The following ERO1B variants were observed in gnomAD, a reference collection of about 807,000 sequenced individuals.
ERO1B encodes the protein ERO1-like protein beta.
A neutral mutation model predicts 75.3 loss-of-function variants in ERO1B; 49 were observed. The ratio of observed to expected loss-of-function variants is 0.65; its 90% CI spans 0.52 to 0.83. ERO1B has a LOEUF of 0.83. Among genes scored for constraint, ERO1B ranks in the 40% least tolerant of loss-of-function variants. The pLI is 0.00. For synonymous variants in ERO1B, 191 were observed against 192.9 expected, an observed-to-expected ratio of 0.99 and a Z score of 0.08; for missense variants, 512 against 560.1, an observed-to-expected ratio of 0.91 and a Z score of 0.87.
At chr1:236,228,423 G>A (rs1664326670) in intron 10 of ERO1B, among the ~76,000 whole-genome samples, 1 of 152,172 alleles carries the variant, frequency 6.6e-6, no homozygotes, top group African/African-American at 2.4e-5. Context: ...CACACAGTCT[G>A]TGCCAGGCTG....
At chr1:236,268,546 A>T (rs1665509089) in intron 2 of ERO1B, among the ~76,000 whole-genome samples, 1 of 152,196 alleles carries the variant, frequency 6.6e-6, no homozygotes, top group African/African-American at 2.4e-5. Flanking sequence ...GAAGCCAGGA[A>T]TTTGAGATCG....
chr1:236,237,691 A>G (rs1664577982), intron 6 of ERO1B, among the ~76,000 whole-genome samples: 1 of 152,182 alleles, frequency 6.6e-6, no homozygotes, highest in Admixed American at 6.5e-5. Flanking sequence ...CAGGAGTCAA[A>G]TGTGGTCATT....
intron 2 of ERO1B, among the ~76,000 whole-genome samples, chr1:236,254,914 GTCTTTA>G (rs1004277884): frequency 2.7e-5 from 4 of 148,786 alleles, no homozygotes; most frequent in Non-Finnish European, 5.9e-5. Flanking sequence ...TGCCTGGCCG[GTCTTTA>G]TCTTTTTTTT....
chr1:236,260,395 C>T (rs1184928612), intron 2 of ERO1B, among the ~76,000 whole-genome samples: 2 of 152,210 alleles, frequency 1.3e-5, no homozygotes, highest in Non-Finnish European at 2.9e-5. Context: ...CGCAGTGGCT[C>T]ATGCCTGTAA....
At chr1:236,262,971 C>T (rs1319617630) in intron 2 of ERO1B, among the ~76,000 whole-genome samples, 3 of 152,078 alleles carry the variant, frequency 2.0e-5, no homozygotes, top group Non-Finnish European at 4.4e-5. Flanking sequence ...AAGGCCTATA[C>T]CTCTCGTGCC....
Position 236,281,762 on chromosome 1 carries a change from C to T in ERO1B, c.22G>A (p.Ala8Thr). Residue 8 changes from alanine to threonine, a missense_variant, in exon 1 of 16, where the codon GCA (alanine) becomes ACA (threonine). Ala to Thr is a moderately conservative substitution (Grantham distance 58). Transcript: ENST00000354619. ...GCCGCTACCCCCTGCCCAGCGCCTG[C>T]CCGGCGGACCCCTTGGCTCATGCTG... Reference protein sequence around the residue: MSQGVRRAGAGQGVAAAV... With the variant: MSQGVRRTGAGQGVAAAV... The T allele has an allele frequency of 1.3e-6, 2 of 1,515,620 alleles. No homozygotes were observed. The highest frequency in any genetic ancestry group is 1.8e-6 in the Non-Finnish European group (2 of 1,135,012). 93.9% of individuals were successfully genotyped at this position (1,515,620 alleles called of 1,614,324 possible).
chr1:236,249,977 A>C lies in ERO1B; in HGVS notation c.349-10T>G, dbSNP rs1222612893. On this transcript the variant is annotated splice_polypyrimidine_tract_variant and intron_variant, in intron 4 of 15. Transcript: ENST00000354619. ...TTGCCATTTTCAAGTACTGCAAAGA[A>C]GTTCGTAAGTTTAGTAAAAATTATT... The C allele has an allele frequency of 6.4e-7, 1 of 1,567,184 alleles. No individual in the cohort carries two copies. The highest frequency in any genetic ancestry group is 1.2e-5 in the South Asian group (1 of 81,662).
At chr1:236,274,958 G>T (rs1665677346) in intron 1 of ERO1B, among the ~76,000 whole-genome samples, 1 of 152,174 alleles carries the variant, frequency 6.6e-6, no homozygotes, top group Admixed American at 6.5e-5. Context: ...TTGGCAAGGA[G>T]CAAGACATGC....
At chr1:236,235,442 A>G (rs945032343) in intron 8 of ERO1B, among the ~76,000 whole-genome samples, 2 of 152,200 alleles carry the variant, frequency 1.3e-5, no homozygotes, top group African/African-American at 4.8e-5. Flanking sequence ...TTCTCATTCC[A>G]AGGATTCTGA....
chr1:236,218,494 G>T lies in ERO1B; in HGVS notation c.*22C>A. ...TTTCCACAGTCACTTTATGTCTCTA[G>T]TTAGACACATAAAAGCCTTTATTAC... On this transcript the variant is annotated 3_prime_UTR_variant, in exon 16 of 16. Transcript: ENST00000354619. The T allele has an allele frequency of 1.4e-6, 2 of 1,430,288 alleles. No individual in the cohort carries two copies. Among genetic ancestry groups the T allele is most frequent in the South Asian group, 1.6e-5 (1 of 62,830 alleles). The allele number at this position is 1,430,288 out of a possible 1,614,324, so 88.6% of individuals were successfully genotyped here.
intron 5 of ERO1B, among the ~76,000 whole-genome samples, chr1:236,244,575 C>A (rs1664793140): frequency 6.6e-6 from 1 of 152,118 alleles, no homozygotes; most frequent in East Asian, 1.9e-4. Context: ...TAGTGAAGAA[C>A]AAATCAATAG....
chr1:236,230,358 T>A (rs1664374892), intron 9 of ERO1B, 108 bp from the exon 10 acceptor site: 2 of 872,440 alleles, frequency 2.3e-6, no homozygotes, highest in Middle Eastern at 2.5e-4. Context: ...ATGCCTATAA[T>A]CCTAGCACTT....
intron 1 of ERO1B, among the ~76,000 whole-genome samples, chr1:236,272,179 T>C (rs1665604670): frequency 6.6e-6 from 1 of 152,192 alleles, no homozygotes; most frequent in Non-Finnish European, 1.5e-5. Flanking sequence ...AGAACCATCA[T>C]TTGACCCTGC....
chr1:236,221,065 T>TAGTTGC, intron 14 of ERO1B, 100 bp from the exon 15 acceptor site: 1 of 923,818 alleles, frequency 1.1e-6, no homozygotes, highest in Non-Finnish European at 1.5e-6. Context: ...AGTTAGGAAA[T>TAGTTGC]TCATATGAAC....
intron 13 of ERO1B, among the ~76,000 whole-genome samples, chr1:236,223,230 G>C (rs1364793675): frequency 6.8e-6 from 1 of 146,032 alleles, no homozygotes. Context: ...AAAAAGAGAA[G>C]TTTCCTACAC....
intron 15 of ERO1B, among the ~76,000 whole-genome samples, chr1:236,219,900 C>T (rs941241): frequency 0.47 from 71,195 of 151,546 alleles, 17,433 homozygotes; most frequent in East Asian, 0.88. Context: ...AGCATGTGTC[C>T]GTAGTCCCAG....
intron 2 of ERO1B, among the ~76,000 whole-genome samples, chr1:236,265,613 G>A (rs556439186): frequency 6.6e-6 from 1 of 152,188 alleles, no homozygotes; most frequent in East Asian, 1.9e-4. Flanking sequence ...TCTATTTCTT[G>A]TCTTCTACCC....
intron 6 of ERO1B, among the ~76,000 whole-genome samples, chr1:236,240,265 A>G (rs1389182552): frequency 6.6e-6 from 1 of 152,118 alleles, no homozygotes. Flanking sequence ...TAATAGAGTT[A>G]TGAGGTCATA....
chr1:236,217,865 A>G lies in ERO1B; in HGVS notation c.*651T>C, dbSNP rs560485218. The G allele has an allele frequency of 6.6e-6, 1 of 152,308 alleles. No homozygotes were observed. The highest frequency in any genetic ancestry group is 2.4e-5 in the African/African-American group (1 of 41,584). The allele number at this position is 152,308 out of a possible 1,614,324, so 9.4% of individuals were successfully genotyped here. A position where few individuals can be genotyped will look rare whatever the true frequency, so the allele number is the denominator to read the frequency against. ...TCACCTTTACCAAAGGAGGTCCTTT[A>G]GACTGGAAACAGCAACAATTACAGC... On this transcript the variant is annotated 3_prime_UTR_variant, in exon 16 of 16. Coordinates refer to ENST00000354619, the MANE Select transcript of ERO1B (RefSeq NM_019891.4).
Sources: allele counts gnomAD v4.1 joint callset (sites outside exome capture counted in the v4.1 genomes callset), GRCh38; gene constraint gnomAD v4.1.1; transcripts MANE v1.5; gene names NCBI Gene and HGNC (gene_info 2026-07-23, HGNC 2026-07-21).